The following EVL variants were observed in gnomAD, a reference collection of about 807,000 sequenced individuals.
EVL encodes ena/VASP-like protein.
EVL carries 21 observed loss-of-function variants against 59.6 expected under a neutral mutation model. That is an observed-to-expected ratio of 0.35 (90% CI 0.25 to 0.51). The LOEUF is 0.51. Ranked by LOEUF, EVL falls within the 20% of genes least tolerant of loss-of-function variation. The pLI, the probability that EVL is intolerant of heterozygous loss-of-function variation, is 0.97. For missense variants in EVL, 462 were observed against 546.6 expected, an observed-to-expected ratio of 0.85 and a Z score of 1.54; for synonymous variants, 198 against 203.5, an observed-to-expected ratio of 0.97 and a Z score of 0.23.
chr14:100,132,863 C>T, intron 8 of EVL, 84 bp downstream of exon 8: 2 of 1,491,990 alleles, frequency 1.3e-6, no homozygotes, highest in Non-Finnish European at 1.9e-6. Context: ...CAGGCGAGGC[C>T]TTTGGGACAT....
intron 1 of EVL, among the ~76,000 whole-genome samples, chr14:100,015,634 G>A (rs988618759): frequency 6.6e-6 from 1 of 152,240 alleles, no homozygotes. Context: ...AGGCCAGTGT[G>A]TTCAGGTTGA....
At chr14:100,066,844 G>A (rs2061940245) in intron 1 of EVL, among the ~76,000 whole-genome samples, 1 of 152,202 alleles carries the variant, frequency 6.6e-6, no homozygotes, top group Non-Finnish European at 1.5e-5. Context: ...GTGATCTACA[G>A]TAGATAAGAT....
intron 1 of EVL, among the ~76,000 whole-genome samples, chr14:100,081,589 T>G (rs1158696001): frequency 6.6e-6 from 1 of 151,440 alleles, no homozygotes; most frequent in East Asian, 1.9e-4. Flanking sequence ...AGGCATCTAG[T>G]GGCAAGCACA....
chr14:100,106,668 C>T lies in EVL; in HGVS notation c.358+9010C>T, dbSNP rs188081819. 18 of 397,052 alleles carry T rather than the reference C, an allele frequency of 4.5e-5. No individual in the cohort carries two copies. In the East Asian group the frequency reaches 6.4e-4, roughly 14 times the overall value. The allele number at this position is 397,052 out of a possible 1,614,324, so 24.6% of individuals were successfully genotyped here. On this transcript the variant is annotated intron_variant, in intron 3 of 13. Transcript: ENST00000392920. The stretch of plus-strand genomic sequence containing the variant: ...TTTCACTTCAGGATAATGCAAGGAT[C>T]ATTACAAAACATTATAATAAAAAGA...
chr14:100,055,817 C>CTTTTTCTTTTTCTTTTTCTTTT (rs79548235), intron 1 of EVL, among the ~76,000 whole-genome samples: 25 of 152,178 alleles, frequency 1.6e-4, no homozygotes, highest in African/African-American at 3.6e-4. Flanking sequence ...CTTTTTCTTT[C>CTTTTTCTTTTTCTTTTTCTTTT]TCTTTTTCTT....
chr14:100,099,386 C>CCA (rs138154587), intron 3 of EVL, among the ~76,000 whole-genome samples: 87 of 150,514 alleles, frequency 5.8e-4, no homozygotes, highest in Non-Finnish European at 8.6e-4. Flanking sequence ...AAACACACAC[C>CCA]CACACACACA....
chr14:100,004,410 T>C (rs2060965306), intron 1 of EVL, among the ~76,000 whole-genome samples: 1 of 152,174 alleles, frequency 6.6e-6, no homozygotes, highest in Admixed American at 6.5e-5. Flanking sequence ...CAATCTCTTA[T>C]CATTTATTAA....
intron 1 of EVL, among the ~76,000 whole-genome samples, chr14:100,016,895 C>T (rs1205600104): frequency 2.6e-5 from 4 of 152,170 alleles, no homozygotes; most frequent in East Asian, 1.9e-4. Flanking sequence ...TTTGGGGATT[C>T]ACCTGGCCAG....
chr14:100,133,418 T>G (rs1301402127), intron 8 of EVL, among the ~76,000 whole-genome samples: 1 of 152,238 alleles, frequency 6.6e-6, no homozygotes, highest in African/African-American at 2.4e-5. Flanking sequence ...CCTTGAAGGT[T>G]CCACCTCAGT....
chr14:100,140,253 A>T (rs1479566530), intron 11 of EVL: 1 of 152,216 alleles, frequency 6.6e-6, no homozygotes, highest in East Asian at 1.9e-4. Context: ...GTAAAAATAA[A>T]ATTCAAATCG....
At chr14:100,125,924 A>G (rs1888043988) in intron 4 of EVL, among the ~76,000 whole-genome samples, 1 of 152,156 alleles carries the variant, frequency 6.6e-6, no homozygotes, top group Non-Finnish European at 1.5e-5. Context: ...TGGCACTCCC[A>G]CCAAGCCCAG....
At chr14:100,141,666 T>C in intron 12 of EVL, 70 bp from the exon 13 acceptor site, 2 of 1,513,632 alleles carry the variant, frequency 1.3e-6, no homozygotes, top group Non-Finnish European at 1.8e-6. Flanking sequence ...CCTTTGGACA[T>C]GGCCCAGCCC....
At chr14:100,023,261 G>A (rs1376878911) in intron 1 of EVL, among the ~76,000 whole-genome samples, 3 of 149,464 alleles carry the variant, frequency 2.0e-5, no homozygotes, top group Admixed American at 6.7e-5. Context: ...TTGGCGTGCA[G>A]CGGCAGGATC....
chr14:100,091,853 G>A (rs532154587), intron 2 of EVL, among the ~76,000 whole-genome samples: 1 of 152,296 alleles, frequency 6.6e-6, no homozygotes, highest in East Asian at 1.9e-4. Context: ...GGAACCTGAT[G>A]CTGTCTCCAG....
At chr14:100,023,210 ATT>A (rs34334963) in intron 1 of EVL, among the ~76,000 whole-genome samples, 4 of 135,554 alleles carry the variant, frequency 3.0e-5, no homozygotes, top group South Asian at 2.4e-4. Flanking sequence ...TTTTTTTTTA[ATT>A]TTTTTTTTTT....
intron 1 of EVL, among the ~76,000 whole-genome samples, chr14:100,068,957 C>G (rs1396587871): frequency 6.6e-6 from 1 of 152,166 alleles, no homozygotes; most frequent in Non-Finnish European, 1.5e-5. Context: ...CCTGGTCTCT[C>G]TGTTGTCTTT....
At chr14:100,058,532 C>T (rs1056496379) in intron 1 of EVL, among the ~76,000 whole-genome samples, 2 of 152,192 alleles carry the variant, frequency 1.3e-5, no homozygotes, top group African/African-American at 4.8e-5. Context: ...TTAACTTGCT[C>T]ACTAAATTGC....
At chr14:100,097,739 G>A in intron 3 of EVL, 81 bp downstream of exon 3, 1 of 1,362,172 alleles carries the variant, frequency 7.3e-7, no homozygotes, top group Non-Finnish European at 1.0e-6. Context: ...GGCTCTCCGG[G>A]TATCCTAGCA....
At chr14:99,975,868 C>T (rs1277214912) in intron 1 of EVL, among the ~76,000 whole-genome samples, 1 of 152,100 alleles carries the variant, frequency 6.6e-6, no homozygotes. Flanking sequence ...TTAACTGTTT[C>T]TCTGCATTTT....
Sources: allele counts gnomAD v4.1 joint callset (sites outside exome capture counted in the v4.1 genomes callset), GRCh38; gene constraint gnomAD v4.1.1; transcripts MANE v1.5; gene names NCBI Gene and HGNC (gene_info 2026-07-23, HGNC 2026-07-21).